EPHB1: variants seen among roughly 807,000 people sequenced by gnomAD.
The protein encoded by EPHB1 is ephrin type-B receptor 1.
Under a neutral mutation model 94.4 loss-of-function variants are expected in EPHB1, and 30 were observed. The observed-to-expected ratio is 0.32, with a 90% CI of 0.24 to 0.43. The LOEUF is 0.43. Among genes scored for constraint, EPHB1 ranks in the 20% least tolerant of loss-of-function variants. The probability of loss-of-function intolerance (pLI) is 1.00; values close to 1 mark genes in which losing one functional copy is unlikely to be tolerated. For missense variants in EPHB1, 1,055 were observed against 1,308.3 expected (o/e 0.81, Z 2.99); for synonymous variants, 522 against 489.1 (o/e 1.07, Z -0.89).
At chr3:135,107,013 C>T (rs1329681884) in intron 4 of EPHB1, among the ~76,000 whole-genome samples, 6 of 152,164 alleles carry the variant, frequency 3.9e-5, no homozygotes, top group Non-Finnish European at 8.8e-5. Flanking sequence ...ACCAGACTCC[C>T]CTCAGAGTGC....
At chr3:135,009,292 T>C (rs973139036) in intron 3 of EPHB1, among the ~76,000 whole-genome samples, 1 of 152,144 alleles carries the variant, frequency 6.6e-6, no homozygotes, top group African/African-American at 2.4e-5. Context: ...TGGGCTTTAA[T>C]ATTTTTACTA....
At chr3:135,145,314 A>G (rs574007319) in intron 5 of EPHB1, among the ~76,000 whole-genome samples, 116 of 152,268 alleles carry the variant, frequency 7.6e-4, no homozygotes, top group African/African-American at 2.8e-3. Flanking sequence ...TGGTTTTTTG[A>G]TATGGGAAGT....
rs765822559 is a variant in EPHB1 at position 135,241,137 on chromosome 3, CCTT to C, written c.2347-7_2347-5del. 26 of 1,614,070 alleles carry C rather than the reference CCTT, an allele frequency of 1.6e-5. No homozygotes were observed. In the Admixed American group the frequency reaches 2.0e-4, roughly 12 times the overall value. On this transcript the variant is annotated splice_polypyrimidine_tract_variant and splice_region_variant and intron_variant, in intron 12 of 15. Coordinates refer to ENST00000398015, the MANE Select transcript of EPHB1 (RefSeq NM_004441.5). ...GATTGTTGGGCTGACCACGGTTTCT[CCTT>C]CTTTCAGGGAGGGAAGATCCCTGTG...
At chr3:135,246,022 A>G (rs1053934601) in intron 13 of EPHB1, among the ~76,000 whole-genome samples, 2 of 152,162 alleles carry the variant, frequency 1.3e-5, no homozygotes, top group African/African-American at 4.8e-5. Flanking sequence ...CCCTGACTCC[A>G]GTGCTCCTTC....
At chr3:134,919,696 G>A (rs763995340) in intron 1 of EPHB1, among the ~76,000 whole-genome samples, 47 of 152,272 alleles carry the variant, frequency 3.1e-4, no homozygotes, top group South Asian at 1.0e-3. Context: ...TGCAGATCAG[G>A]TTCGGAGGAC....
At chr3:135,241,539 C>T (rs2107728228) in intron 13 of EPHB1, among the ~76,000 whole-genome samples, 1 of 152,342 alleles carries the variant, frequency 6.6e-6, no homozygotes, top group South Asian at 2.1e-4. Context: ...CAGTCTCCAA[C>T]CCAAGAGACA....
chr3:135,255,430 T>C (rs1933337992), intron 15 of EPHB1, among the ~76,000 whole-genome samples: 1 of 135,892 alleles, frequency 7.4e-6, no homozygotes, highest in South Asian at 2.6e-4. Flanking sequence ...TTGTTTCCGT[T>C]GGTTTCAAAG....
At chr3:135,067,149 A>G (rs998940261) in intron 3 of EPHB1, among the ~76,000 whole-genome samples, 2 of 152,072 alleles carry the variant, frequency 1.3e-5, no homozygotes, top group Non-Finnish European at 2.9e-5. Context: ...TTAATGTTCT[A>G]TTTTTGTGCT....
chr3:134,927,270 C>T lies in EPHB1; in HGVS notation c.123+1390C>T, dbSNP rs117778550. On this transcript the variant is annotated intron_variant, in intron 2 of 15. Coordinates refer to ENST00000398015, the MANE Select transcript of EPHB1 (RefSeq NM_004441.5). ...CAGACAGTTATCTCACCTGTGCATT[C>T]TCCACTGGTTTCTCACTGTTACTTT... 1.7e-3 allele frequency among the ~76,000 whole-genome samples: 253 copies of T among 152,336 alleles called. 2 individuals are homozygous for T. In the East Asian group the frequency reaches 0.044, roughly 26 times the overall value.
intron 1 of EPHB1, among the ~76,000 whole-genome samples, chr3:134,913,041 T>C (rs548476308): frequency 6.6e-6 from 1 of 152,338 alleles, no homozygotes; most frequent in Non-Finnish European, 1.5e-5. Flanking sequence ...AAAGGCTTTT[T>C]GGTTTTCCAT....
intron 3 of EPHB1, among the ~76,000 whole-genome samples, chr3:135,059,560 G>A (rs539179799): frequency 6.6e-6 from 1 of 152,280 alleles, no homozygotes; most frequent in South Asian, 2.1e-4. Context: ...GGGAGCTTTG[G>A]GAAGCAATTG....
chr3:134,842,776 C>T (rs1468568742), intron 1 of EPHB1, among the ~76,000 whole-genome samples: 1 of 152,132 alleles, frequency 6.6e-6, no homozygotes, highest in African/African-American at 2.4e-5. Flanking sequence ...TTTAATATCC[C>T]ACACAGCTTT....
intron 3 of EPHB1, among the ~76,000 whole-genome samples, chr3:135,052,469 T>G (rs1937196444): frequency 6.6e-6 from 1 of 152,038 alleles, no homozygotes. Flanking sequence ...GGAAGCTGCT[T>G]AGTCATGAGG....
At chr3:135,183,033 TC>T (rs1559865316) in intron 10 of EPHB1, among the ~76,000 whole-genome samples, 1 of 68,662 alleles carries the variant, frequency 1.5e-5, no homozygotes, top group African/African-American at 5.9e-5. Flanking sequence ...TTCTTTTCTT[TC>T]TTTCTTTCTT....
chr3:134,993,244 C>A (rs1413177945), intron 3 of EPHB1, among the ~76,000 whole-genome samples: 1 of 152,218 alleles, frequency 6.6e-6, no homozygotes. Context: ...CCAGCCTCAT[C>A]CTGATGTTAG....
chr3:134,926,107 G>T (rs2038786359), intron 2 of EPHB1, among the ~76,000 whole-genome samples: 1 of 152,184 alleles, frequency 6.6e-6, no homozygotes, highest in South Asian at 2.1e-4. Flanking sequence ...CTTTCTGAAA[G>T]CTGACACCTA....
At chr3:135,053,055 A>ATATAT (rs1360770430) in intron 3 of EPHB1, among the ~76,000 whole-genome samples, 29 of 135,654 alleles carry the variant, frequency 2.1e-4, no homozygotes, top group South Asian at 4.6e-4. Context: ...ATATATATAT[A>ATATAT]AAGTTGGTGT....
At chr3:134,806,518 C>T (rs1428205061) in intron 1 of EPHB1, among the ~76,000 whole-genome samples, 1 of 152,200 alleles carries the variant, frequency 6.6e-6, no homozygotes, top group Non-Finnish European at 1.5e-5. Context: ...CCAAGCTTTC[C>T]TCACAGAACA....
intron 3 of EPHB1, among the ~76,000 whole-genome samples, chr3:134,965,605 T>C (rs892858325): frequency 6.6e-6 from 1 of 152,144 alleles, no homozygotes; most frequent in South Asian, 2.1e-4. Context: ...AAAACAATTA[T>C]TTTGGAGAGT....
Sources: gnomAD v4.1 joint callset for allele counts (sites outside exome capture counted in the v4.1 genomes callset) on GRCh38, gnomAD v4.1.1 for gene constraint, MANE v1.5 for transcripts, NCBI Gene and HGNC (gene_info 2026-07-23, HGNC 2026-07-21) for gene names.